The following OXCT1 variants were observed in gnomAD, a reference collection of about 807,000 sequenced individuals.
OXCT1 encodes the protein 3-oxoacid CoA-transferase 1, also known as succinyl-CoA:3-ketoacid coenzyme A transferase 1, mitochondrial.
A neutral mutation model predicts 69.6 loss-of-function variants in OXCT1; 27 were observed. The observed-to-expected ratio is 0.39, with a 90% confidence interval of 0.29 to 0.54. The LOEUF (loss-of-function observed/expected upper bound fraction) is 0.54. Ranked by LOEUF, OXCT1 falls within the 20% of genes least tolerant of loss-of-function variation. OXCT1 has a pLI of 0.72. For synonymous variants in OXCT1, 202 were observed against 217.8 expected (o/e 0.93, Z 0.64); for missense variants, 437 against 650.2 (o/e 0.67, Z 3.57).
At chr5:41,779,626 A>G (rs1745298737) in intron 13 of OXCT1, among the ~76,000 whole-genome samples, 2 of 152,212 alleles carry the variant, frequency 1.3e-5, no homozygotes, top group Admixed American at 1.3e-4. Context: ...TCCAAGAACT[A>G]ACACACAAAG....
chr5:41,841,252 G>A (rs1218022897), intron 6 of OXCT1, among the ~76,000 whole-genome samples: 1 of 152,154 alleles, frequency 6.6e-6, no homozygotes, highest in Non-Finnish European at 1.5e-5. Flanking sequence ...GTAAGTCACA[G>A]CTATGTTTTA....
chr5:41,859,864 A>AATATATATATATATATATATT lies in OXCT1; in HGVS notation c.278+1449_278+1450insAATATATATATATATATATAT, dbSNP rs1561135423. ...AACTATTATACCTGACTAGTATAGT[A>AATATATATATATATATATATT]ATATATATATATATATATATATGTA... On this transcript the variant is annotated intron_variant, in intron 3 of 16. Transcript: ENST00000196371. 4.9e-3 allele frequency among the ~76,000 whole-genome samples: 590 copies of AATATATATATATATATATATT among 120,020 alleles called. 5 individuals carry two copies. Among genetic ancestry groups the AATATATATATATATATATATT allele is most frequent in the Middle Eastern group, 9.7e-3 (2 of 206 alleles). 78.7% of individuals were successfully genotyped at this position (120,020 alleles called of 152,430 possible).
intron 14 of OXCT1, among the ~76,000 whole-genome samples, chr5:41,758,309 G>A (rs142182721): frequency 3.3e-5 from 5 of 152,216 alleles, no homozygotes; most frequent in Non-Finnish European, 2.9e-5. Flanking sequence ...AGATGAGGTG[G>A]CTGTGGAACA....
At chr5:41,864,826 T>C (rs1749890620) in intron 1 of OXCT1, among the ~76,000 whole-genome samples, 1 of 152,178 alleles carries the variant, frequency 6.6e-6, no homozygotes, top group African/African-American at 2.4e-5. Context: ...TCTTTGTGAG[T>C]GTTCTATTTC....
At chr5:41,826,092 C>T (rs1747796375) in intron 7 of OXCT1, among the ~76,000 whole-genome samples, 1 of 152,150 alleles carries the variant, frequency 6.6e-6, no homozygotes, top group Admixed American at 6.6e-5. Context: ...AAGAACCTTG[C>T]TCTCGTGAAG....
At chr5:41,800,376 G>C (rs1001338850) in intron 11 of OXCT1, among the ~76,000 whole-genome samples, 1 of 151,810 alleles carries the variant, frequency 6.6e-6, no homozygotes, top group Admixed American at 6.6e-5. Flanking sequence ...CAGTGTACCA[G>C]ATCTTTTCTT....
At position 41,794,709 on chromosome 5, in the gene OXCT1, GAA is replaced by G; in HGVS notation, c.1138_1139del (p.Phe380LeufsTer4). 1 of 1,613,670 alleles carries G rather than the reference GAA, an allele frequency of 6.2e-7. No individual in the cohort carries two copies. Among genetic ancestry groups the G allele is most frequent in the Non-Finnish European group, 8.5e-7 (1 of 1,179,952 alleles). On this transcript the variant is annotated frameshift_variant, in exon 12 of 17. Transcript: ENST00000196371. LOFTEE classifies it high-confidence loss of function. ...TVTILPGASF[F>X]SSDESFAMIR... ...TCATTGCAAATGATTCATCGCTGGAGAAAAAAGAGGCTCCTGGAAGAATAGTA... is the reference window on the plus strand; with the variant it reads ...TCATTGCAAATGATTCATCGCTGGAGAAAAGAGGCTCCTGGAAGAATAGTA...
At chr5:41,868,600 G>A (rs568205407) in intron 1 of OXCT1, among the ~76,000 whole-genome samples, 5 of 151,638 alleles carry the variant, frequency 3.3e-5, no homozygotes, top group South Asian at 2.1e-4. Flanking sequence ...GCGGGCGCCT[G>A]TAGTCCCAGC....
At chr5:41,781,406 G>A (rs988572626) in intron 13 of OXCT1, among the ~76,000 whole-genome samples, 5 of 148,516 alleles carry the variant, frequency 3.4e-5, no homozygotes, top group Admixed American at 2.7e-4. Flanking sequence ...GGTCTAGAAA[G>A]ATAAAGTGAC....
At chr5:41,842,358 A>C (rs985428108) in intron 6 of OXCT1, among the ~76,000 whole-genome samples, 1 of 152,200 alleles carries the variant, frequency 6.6e-6, no homozygotes, top group African/African-American at 2.4e-5. Context: ...AAATTGTATG[A>C]TGTCACATTT....
chr5:41,839,830 A>C (rs1028061543), intron 7 of OXCT1, among the ~76,000 whole-genome samples: 14 of 152,190 alleles, frequency 9.2e-5, no homozygotes, highest in African/African-American at 3.1e-4. Flanking sequence ...GTTGATCCTC[A>C]AAGCCTCAAG....
chr5:41,765,083 T>C (rs1269271414), intron 13 of OXCT1, among the ~76,000 whole-genome samples: 1 of 151,998 alleles, frequency 6.6e-6, no homozygotes, highest in East Asian at 1.9e-4. Context: ...AGGAGGAAAA[T>C]AAAACAGGGT....
chr5:41,851,142 A>G (rs1749154571), intron 4 of OXCT1, among the ~76,000 whole-genome samples: 1 of 152,198 alleles, frequency 6.6e-6, no homozygotes, highest in Non-Finnish European at 1.5e-5. Context: ...AAGAAAAAAA[A>G]GAATTGGTTC....
intron 3 of OXCT1, among the ~76,000 whole-genome samples, chr5:41,860,190 G>C (rs1749671681): frequency 6.6e-6 from 1 of 151,872 alleles, no homozygotes; most frequent in Non-Finnish European, 1.5e-5. Flanking sequence ...TTAAACAAGG[G>C]ACAGATGATT....
chr5:41,730,500 G>T lies in OXCT1; in HGVS notation c.*1229C>A, dbSNP rs191846235. The T allele has an allele frequency of 6.6e-6, 1 of 152,182 alleles. No homozygotes were observed. Among genetic ancestry groups the T allele is most frequent in the Non-Finnish European group, 1.5e-5 (1 of 68,038 alleles). The allele number at this position is 152,182 out of a possible 1,614,324, so 9.4% of individuals were successfully genotyped here. A position where few individuals can be genotyped will look rare whatever the true frequency, so the allele number is the denominator to read the frequency against. ...TTTAGGACCAGAGGAATGATATATC[G>T]TACTGTACTATGCCTACCTCTGTCC... On this transcript the variant is annotated 3_prime_UTR_variant, in exon 17 of 17. Coordinates refer to ENST00000196371, the MANE Select transcript of OXCT1 (RefSeq NM_000436.4).
intron 7 of OXCT1, among the ~76,000 whole-genome samples, chr5:41,834,502 A>AG (rs1345874505): frequency 1.3e-5 from 2 of 151,808 alleles, no homozygotes; most frequent in South Asian, 4.2e-4. Flanking sequence ...AAAAAAAAAA[A>AG]AACAAAACAG....
At chr5:41,790,692 A>C (rs904315830) in intron 13 of OXCT1, among the ~76,000 whole-genome samples, 1 of 152,196 alleles carries the variant, frequency 6.6e-6, no homozygotes, top group Non-Finnish European at 1.5e-5. Context: ...AATAAAGCTG[A>C]ATTTTTCAGC....
chr5:41,855,214 C>T (rs1382366103), intron 3 of OXCT1, among the ~76,000 whole-genome samples: 1 of 152,060 alleles, frequency 6.6e-6, no homozygotes, highest in Non-Finnish European at 1.5e-5. Flanking sequence ...TCAGACAAAA[C>T]AAATCTATGA....
intron 7 of OXCT1, among the ~76,000 whole-genome samples, chr5:41,822,886 T>A (rs1448323667): frequency 6.6e-6 from 1 of 152,246 alleles, no homozygotes. Context: ...GAGTCTTGTT[T>A]TTAATCCACT....
Sources: allele counts gnomAD v4.1 joint callset (sites outside exome capture counted in the v4.1 genomes callset), GRCh38; gene constraint gnomAD v4.1.1; transcripts MANE v1.5; gene names NCBI Gene and HGNC (gene_info 2026-07-23, HGNC 2026-07-21).